ZFR2: variants seen among roughly 807,000 people sequenced by gnomAD.
ZFR2 encodes the protein zinc finger RNA-binding protein 2.
In ZFR2, 104 loss-of-function variants were observed where a neutral mutation model predicts 105.7. That is an observed-to-expected ratio of 0.98 (90% CI 0.84 to 1.16). The LOEUF (loss-of-function observed/expected upper bound fraction) is 1.16, where lower values mean the gene tolerates loss of function less well. Ranked by LOEUF, ZFR2 falls within the 50% of genes most tolerant of loss-of-function variation. The pLI, the probability that ZFR2 is intolerant of heterozygous loss-of-function variation, is 0.00. For synonymous variants in ZFR2, 634 were observed against 597.7 expected, an observed-to-expected ratio of 1.06 and a Z score of -0.89; for missense variants, 1,425 against 1,355.5, an observed-to-expected ratio of 1.05 and a Z score of -0.80.
intron 8 of ZFR2, 64 bp from the exon 9 acceptor site, chr19:3,822,264 G>A (rs1486018548): frequency 4.6e-6 from 7 of 1,533,586 alleles, no homozygotes; most frequent in Admixed American, 3.9e-5. Context: ...AGATGCTACC[G>A]CTGCCAGGTC....
chr19:3,837,359 T>A (rs575998498), intron 1 of ZFR2, among the ~76,000 whole-genome samples: 84 of 152,156 alleles, frequency 5.5e-4, no homozygotes, highest in African/African-American at 2.0e-3. Context: ...ATGAACACCA[T>A]GACCATGACA....
rs778860841 is a variant in ZFR2, at chr19:3,825,294, G to A, written c.1149C>T (p.Ser383=). 5 of 1,578,282 alleles carry A rather than the reference G, an allele frequency of 3.2e-6. No individual in the cohort carries two copies. Among genetic ancestry groups the A allele is most frequent in the South Asian group, 2.3e-5 (2 of 85,542 alleles). Residue 383 remains serine, a synonymous_variant, in exon 7 of 19, where the codon AGC becomes AGT. Coordinates refer to ENST00000262961, the MANE Select transcript of ZFR2 (RefSeq NM_015174.2). ...EAKPTSPTGP[S]VCASSRPALA... ...GCGCTGGCCTGCTCGAGGCACACAC[G>A]CTGGGGCCAGTGGGGGACGTGGGCT...
intron 12 of ZFR2, 131 bp from the exon 13 acceptor site, chr19:3,816,976 A>G: frequency 1.2e-6 from 1 of 838,818 alleles, no homozygotes. Context: ...TCATCCATGA[A>G]ATGGGACCAG....
chr19:3,856,584 C>G (rs1366175741), intron 1 of ZFR2, among the ~76,000 whole-genome samples: 1 of 152,124 alleles, frequency 6.6e-6, no homozygotes, highest in Non-Finnish European at 1.5e-5. Flanking sequence ...CCCCCGGAAC[C>G]ACTAATCCAT....
intron 1 of ZFR2, among the ~76,000 whole-genome samples, chr19:3,861,379 C>T (rs1411045798): frequency 3.3e-5 from 5 of 152,176 alleles, no homozygotes; most frequent in African/African-American, 7.2e-5. Context: ...GTAATCCCAG[C>T]ACTTTGGGAG....
chr19:3,854,091 C>G, intron 1 of ZFR2, among the ~76,000 whole-genome samples: 1 of 148,060 alleles, frequency 6.8e-6, no homozygotes, highest in Admixed American at 6.7e-5. Flanking sequence ...CTCAAAAAAA[C>G]CACTGTGCCC....
At chr19:3,860,519 G>C (rs915713442) in intron 1 of ZFR2, among the ~76,000 whole-genome samples, 1 of 152,166 alleles carries the variant, frequency 6.6e-6, no homozygotes, top group Non-Finnish European at 1.5e-5. Flanking sequence ...AGCCTCGGGG[G>C]CGAGCCAGGT....
In ZFR2 at chr19:3,812,215, A is replaced by G. The variant is rs894999611; in HGVS notation, c.2243-849T>C. On this transcript the variant is annotated intron_variant, in intron 14 of 18. Transcript: ENST00000262961. ...GGCCTTGGCCTCCCAAAGTGCTAGG[A>G]TTACAGGCGTGAGCCACCGCGCCTG... 2.6e-5 allele frequency among the ~76,000 whole-genome samples: 4 copies of G among 152,038 alleles called. No individual in the cohort carries two copies. The East Asian group carries it at 7.7e-4, about 29-fold the overall frequency.
At chr19:3,832,575 C>T (rs1223812564) in intron 3 of ZFR2, among the ~76,000 whole-genome samples, 1 of 151,942 alleles carries the variant, frequency 6.6e-6, no homozygotes, top group African/African-American at 2.4e-5. Flanking sequence ...CCGCCTCTGC[C>T]TCGCAAAGTG....
intron 1 of ZFR2, chr19:3,852,370 C>A: frequency 1.5e-6 from 1 of 662,482 alleles, no homozygotes; most frequent in Non-Finnish European, 2.8e-6. Flanking sequence ...GGCTTCTCTG[C>A]CCCTGGAGGG....
At chr19:3,807,538 C>A (rs1436089438) in intron 17 of ZFR2, among the ~76,000 whole-genome samples, 1 of 141,118 alleles carries the variant, frequency 7.1e-6, no homozygotes, top group Non-Finnish European at 1.5e-5. Flanking sequence ...TGCACCCATG[C>A]ATATACACAT....
chr19:3,842,790 A>C (rs1454925176), intron 1 of ZFR2, among the ~76,000 whole-genome samples: 2 of 151,686 alleles, frequency 1.3e-5, no homozygotes, highest in African/African-American at 4.8e-5. Context: ...AGCCCAACTA[A>C]TTTTTTGTAT....
intron 14 of ZFR2, among the ~76,000 whole-genome samples, chr19:3,812,254 GTTTTT>G (rs892464429): frequency 6.6e-6 from 1 of 151,666 alleles, no homozygotes; most frequent in African/African-American, 2.4e-5. Flanking sequence ...AAATTTTTTT[GTTTTT>G]TTTATAAATG....
intron 14 of ZFR2, among the ~76,000 whole-genome samples, chr19:3,812,417 C>G (rs1474038529): frequency 1.3e-5 from 2 of 152,260 alleles, no homozygotes; most frequent in Middle Eastern, 3.4e-3. Flanking sequence ...CCCCACCACG[C>G]TGGGCCTGGG....
intron 18 of ZFR2, among the ~76,000 whole-genome samples, chr19:3,806,774 G>A (rs187075430): frequency 1.3e-5 from 2 of 152,356 alleles, no homozygotes; most frequent in East Asian, 3.9e-4. Flanking sequence ...GACCCGATGC[G>A]GTTTGGTTTT....
intron 5 of ZFR2, among the ~76,000 whole-genome samples, chr19:3,829,165 T>G (rs1362543648): frequency 6.6e-6 from 1 of 152,088 alleles, no homozygotes; most frequent in Non-Finnish European, 1.5e-5. Context: ...TTTCACCATG[T>G]TGGCCAGGCT....
intron 1 of ZFR2, among the ~76,000 whole-genome samples, chr19:3,866,743 G>A (rs1246192903): frequency 1.3e-5 from 2 of 152,180 alleles, no homozygotes; most frequent in East Asian, 3.8e-4. Context: ...CCAGAAGTTT[G>A]TACTAGCCTG....
rs79258351 is a variant in ZFR2, at chr19:3,838,830, C to G, written c.54-3847G>C. ...TGCACGTCTGTCCACAGGCCGTCTC[C>G]TCCCTGGTCCCGATGCCCTGAGATG... is the stretch of plus-strand genomic sequence containing the variant. On this transcript the variant is annotated intron_variant, in intron 1 of 18. Transcript: ENST00000262961. The surrounding 1 kb of genome is among the most constrained non-coding windows in gnomAD (Gnocchi z 4.9). 0.027 allele frequency among the ~76,000 whole-genome samples: 4,122 copies of G among 152,304 alleles called. 84 individuals carry two copies. The highest frequency in any genetic ancestry group is 0.058 in the Middle Eastern group (17 of 294).
chr19:3,809,209 A>G (rs188534949), intron 16 of ZFR2, among the ~76,000 whole-genome samples: 1 of 152,152 alleles, frequency 6.6e-6, no homozygotes, highest in Admixed American at 6.5e-5. Flanking sequence ...GTCTCGCTCT[A>G]TTGCCCAGGC....
Sources: allele counts gnomAD v4.1 joint callset (sites outside exome capture counted in the v4.1 genomes callset), GRCh38; gene constraint gnomAD v4.1.1; non-coding constraint Gnocchi (gnomAD v3.1); transcripts MANE v1.5; gene names NCBI Gene and HGNC (gene_info 2026-07-23, HGNC 2026-07-21).